SPEG: variants seen among roughly 807,000 people sequenced by gnomAD.
SPEG encodes the protein striated muscle enriched protein kinase.
A neutral mutation model predicts 300.4 loss-of-function variants in SPEG; 114 were observed. The ratio of observed to expected loss-of-function variants is 0.38; its 90% CI spans 0.33 to 0.44. The LOEUF is 0.44. SPEG is among the 20% of genes least tolerant of loss of function. The probability of loss-of-function intolerance (pLI) is 1.00; values close to 1 mark genes in which losing one functional copy is unlikely to be tolerated. For synonymous variants in SPEG, 1,964 were observed against 2,018.9 expected, an observed-to-expected ratio of 0.97 and a Z score of 0.73; for missense variants, 4,201 against 4,586.2, an observed-to-expected ratio of 0.92 and a Z score of 2.43.
rs547077827 is a variant in SPEG at position 219,444,563 on chromosome 2, C to A, written c.389-90C>A. ...CAGCCCTGCCAGTGATAAGATGGAG[C>A]CTGCTGTTGGCAGGGAGGCAGAAGG... On this transcript the variant is annotated intron_variant, in intron 1 of 40. Transcript: ENST00000312358. The surrounding 1 kb of genome is among the most constrained non-coding windows in gnomAD (Gnocchi z 7.8). 1 of 1,082,906 alleles carries A rather than the reference C, an allele frequency of 9.2e-7. No homozygotes were observed. Among genetic ancestry groups the A allele is most frequent in the African/African-American group, 1.6e-5 (1 of 64,466 alleles). The allele number at this position is 1,082,906 out of a possible 1,614,324, so 67.1% of individuals were successfully genotyped here. A position where few individuals can be genotyped will look rare whatever the true frequency, so the allele number is the denominator to read the frequency against.
chr2:219,473,885 G>C lies in SPEG; in HGVS notation c.4429G>C (p.Val1477Leu). Residue 1477 changes from valine (V) to leucine (L), a missense_variant, in exon 18 of 41, where the codon GTC becomes CTC. Coordinates refer to ENST00000312358, the MANE Select transcript of SPEG (RefSeq NM_005876.5). The surrounding 1 kb of genome is among the most constrained non-coding windows in gnomAD (Gnocchi z 4.6). ...CCGTCACGGCACACAGACCTGCTCG[G>C]TCACATTGGAGCTGGCAGGTGGGTG... is the stretch of plus-strand genomic sequence containing the variant. Reference protein sequence around the residue: ...RNRHGTQTCSVTLELAEAPRF... With the variant: ...RNRHGTQTCSLTLELAEAPRF... 6.2e-7 allele frequency: 1 copy of C among 1,611,390 alleles called. No individual in the cohort carries two copies. Among genetic ancestry groups the C allele is most frequent in the East Asian group, 2.2e-5 (1 of 44,828 alleles).
In SPEG at chr2:219,464,164, G is replaced by A. The variant is rs1457022969; in HGVS notation, c.2706-269G>A. ...ACAAGAAAAAAGAGCTAAATAGCAC[G>A]GCTCCACTCTGAATGCAGCAGGGTT... On this transcript the variant is annotated intron_variant, in intron 8 of 40. Coordinates refer to ENST00000312358, the MANE Select transcript of SPEG (RefSeq NM_005876.5). This position sits in a 1 kb window ranked among gnomAD's most constrained non-coding sequence, Gnocchi z 4.5. 6.6e-6 allele frequency among the ~76,000 whole-genome samples: 1 copy of A among 151,386 alleles called. No homozygotes were observed. The highest frequency in any genetic ancestry group is 1.5e-5 in the Non-Finnish European group (1 of 67,814).
intron 31 of SPEG, among the ~76,000 whole-genome samples, chr2:219,486,274 G>C (rs767873519): frequency 2.6e-5 from 4 of 152,256 alleles, no homozygotes; most frequent in Non-Finnish European, 5.9e-5. Context: ...ACAAGCAAAG[G>C]CTTCGGGAGG....
Position 219,473,838 on chromosome 2 carries a change from C to A in SPEG, c.4382C>A (p.Ala1461Asp), listed in dbSNP as rs376063479. ...CGGGTGAGCCGCCGGGACATGGGGG[C>A]CCTCACCTGCACCGCCCGAAACCGT... ...ICRVSRRDMG[A>D]LTCTARNRHG... is the part of the protein sequence containing the mutation. The change falls in exon 18 of 41, where the codon GCC becomes GAC. Residue 1461 changes from alanine (A) to aspartate (D), a missense_variant. Physicochemically the swap from Ala to Asp is moderately radical, Grantham distance 126. Transcript: ENST00000312358. The surrounding 1 kb of genome is among the most constrained non-coding windows in gnomAD (Gnocchi z 4.6). 1.2e-6 allele frequency: 2 copies of A among 1,613,650 alleles called. No homozygotes were observed. The highest frequency in any genetic ancestry group is 1.7e-6 in the Non-Finnish European group (2 of 1,180,036).
At chr2:219,482,031 C>T (rs1282831498) in intron 28 of SPEG, 2 of 401,506 alleles carry the variant, frequency 5.0e-6, no homozygotes, top group Non-Finnish European at 9.2e-6. Flanking sequence ...TGCACTGGTC[C>T]CACACAATAG....
At position 219,451,373 on chromosome 2, in the gene SPEG, G is replaced by T; in HGVS notation, c.2257+94G>T. The T allele has an allele frequency of 6.8e-7, 1 of 1,467,084 alleles. No individual in the cohort carries two copies. The allele number at this position is 1,467,084 out of a possible 1,614,324, so 90.9% of individuals were successfully genotyped here. On this transcript the variant is annotated intron_variant, in intron 5 of 40. Coordinates refer to ENST00000312358, the MANE Select transcript of SPEG (RefSeq NM_005876.5). The surrounding 1 kb of genome is among the most constrained non-coding windows in gnomAD (Gnocchi z 6.4). ...TTCCCCCGGACTCCTCCAAGGGAGG[G>T]GTGGGAAAGAGGGGAATTATCCCCT...
intron 9 of SPEG, chr2:219,466,415 T>C: frequency 7.7e-7 from 1 of 1,296,098 alleles, no homozygotes; most frequent in Non-Finnish European, 9.8e-7. Context: ...GGCCTGTCTA[T>C]CTGTTTGTCT....
chr2:219,467,321 C>T lies in SPEG; in HGVS notation c.3029C>T (p.Pro1010Leu), dbSNP rs750644358. The T allele has an allele frequency of 1.8e-5, 29 of 1,611,604 alleles. No homozygotes were observed. ...CTGTGCCGTGGCCGCCTGCTGCAGC[C>T]TGCACTGCTCAAATGCAAGATGCAT... ...DWLCRGRLLQPALLKCKMHFD... is the reference protein window; with the variant it reads ...DWLCRGRLLQLALLKCKMHFD... The change falls in exon 10 of 41, where the codon CCT becomes CTT. Residue 1010 changes from proline to leucine, a missense_variant. Physicochemically the swap from Pro to Leu is moderately conservative, Grantham distance 98 (BLOSUM62 -3). Transcript: ENST00000312358.
rs964536524 is a variant in SPEG at position 219,448,726 on chromosome 2, G to A, written c.1568G>A (p.Arg523His). ...GAGTCCCTGCGCGCCACGCTGCAGCGTGCCCCATCCCCTCGAGAGCCCGGC... is the reference window on the plus strand; with the variant it reads ...GAGTCCCTGCGCGCCACGCTGCAGCATGCCCCATCCCCTCGAGAGCCCGGC... Reference protein sequence around the residue: ...SHESLRATLQRAPSPREPGEP... With the variant: ...SHESLRATLQHAPSPREPGEP... Residue 523 changes from arginine to histidine, a missense_variant, in exon 4 of 41, where the codon CGT becomes CAT. Around this residue, in one of 4 missense-constraint regions of SPEG, gnomAD observed 1,258 missense variants for 1,293.9 expected, o/e 0.97. Transcript: ENST00000312358. 17 of 1,490,978 alleles carry A rather than the reference G, an allele frequency of 1.1e-5. No homozygotes were observed. In the African/African-American group the frequency reaches 2.0e-4, roughly 18 times the overall value. 92.4% of individuals were successfully genotyped at this position (1,490,978 alleles called of 1,614,324 possible).
intron 8 of SPEG, among the ~76,000 whole-genome samples, chr2:219,463,796 A>T (rs1409461095): frequency 6.6e-6 from 1 of 152,078 alleles, no homozygotes. Flanking sequence ...AATAAATAAA[A>T]ATAAGACATG....
Position 219,445,239 on chromosome 2 carries a change from C to A in SPEG, c.815+78C>A. 7.5e-7 allele frequency: 1 copy of A among 1,328,710 alleles called. No homozygotes were observed. Among genetic ancestry groups the A allele is most frequent in the Non-Finnish European group, 1.1e-6 (1 of 947,892 alleles). 82.3% of individuals were successfully genotyped at this position (1,328,710 alleles called of 1,614,324 possible). A position where few individuals can be genotyped will look rare whatever the true frequency, so the allele number is the denominator to read the frequency against. On this transcript the variant is annotated intron_variant, in intron 3 of 40. Coordinates refer to ENST00000312358, the MANE Select transcript of SPEG (RefSeq NM_005876.5). The surrounding 1 kb of genome is among the most constrained non-coding windows in gnomAD (Gnocchi z 6.1). ...TGCGCTGCCCTCACTGCTCAGTCAG[C>A]CTCCACCCATCACCCTGCCCCATCC...
intron 6 of SPEG, among the ~76,000 whole-genome samples, chr2:219,453,415 G>A (rs1689923674): frequency 6.6e-6 from 1 of 152,270 alleles, no homozygotes; most frequent in Non-Finnish European, 1.5e-5. Context: ...GTAGACAAAT[G>A]TTAGTTGTTA....
chr2:219,446,317 C>A (rs748515), intron 3 of SPEG, among the ~76,000 whole-genome samples: 54,530 of 152,028 alleles, frequency 0.36, 10,040 homozygotes, highest in South Asian at 0.44. Context: ...GAACCCATTT[C>A]CTTAGTGATG....
At chr2:219,469,430 C>G in intron 13 of SPEG, 51 bp downstream of exon 13, 1 of 1,412,260 alleles carries the variant, frequency 7.1e-7, no homozygotes, top group Non-Finnish European at 9.8e-7. Flanking sequence ...ACCCACTTGG[C>G]TTGCAATGCC....
intron 40 of SPEG, 25 bp from the exon 41 acceptor site, chr2:219,492,568 TC>T: frequency 6.2e-7 from 1 of 1,602,148 alleles, no homozygotes; most frequent in Non-Finnish European, 8.5e-7. Context: ...CCTTCCAGGT[TC>T]ATCATCCCTG....
chr2:219,491,956 C>A, intron 39 of SPEG, 87 bp downstream of exon 39: 1 of 1,356,608 alleles, frequency 7.4e-7, no homozygotes, highest in Non-Finnish European at 1.0e-6. Context: ...CTCCCCCGTG[C>A]CCCACCTCCC....
chr2:219,490,067 G>T, intron 36 of SPEG, 128 bp downstream of exon 36: 1 of 1,103,434 alleles, frequency 9.1e-7, no homozygotes, highest in Non-Finnish European at 1.3e-6. Context: ...TGGGTTATTA[G>T]AATGATTGCG....
chr2:219,488,722 G>C, intron 33 of SPEG, 56 bp from the exon 34 acceptor site: 1 of 1,611,366 alleles, frequency 6.2e-7, no homozygotes, highest in Non-Finnish European at 8.5e-7. Context: ...GACAGGGCTT[G>C]AGGGGTTCTT....
chr2:219,476,128 T>C (rs1017152513), intron 18 of SPEG, among the ~76,000 whole-genome samples: 1 of 148,234 alleles, frequency 6.7e-6, no homozygotes, highest in African/African-American at 2.4e-5. Flanking sequence ...TAGAAGCTGC[T>C]TTACCAGGAA....
Sources: gnomAD v4.1 joint callset for allele counts (sites outside exome capture counted in the v4.1 genomes callset) on GRCh38, gnomAD v4.1.1 for gene constraint, gnomAD v4.1.1 regional missense constraint, Gnocchi (gnomAD v3.1) non-coding constraint, MANE v1.5 for transcripts, NCBI Gene and HGNC (gene_info 2026-07-23, HGNC 2026-07-21) for gene names.